The following MTM1 variants were observed in gnomAD, a reference collection of about 807,000 sequenced individuals.
The protein encoded by MTM1 is myotubularin 1, also known as myotubularin.
Under a neutral mutation model 52.1 loss-of-function variants are expected in MTM1, and 9 were observed. The ratio of observed to expected loss-of-function variants is 0.17; its 90% CI spans 0.10 to 0.30. The LOEUF (loss-of-function observed/expected upper bound fraction) is 0.30, where lower values mean the gene tolerates loss of function less well. Ranked by LOEUF, MTM1 falls within the 10% of genes least tolerant of loss-of-function variation. MTM1 has a pLI of 1.00. For synonymous variants in MTM1, 136 were observed against 163.8 expected, an observed-to-expected ratio of 0.83 and a Z score of 1.29; for missense variants, 277 against 470.7, an observed-to-expected ratio of 0.59 and a Z score of 3.81.
chrX:150,611,531 A>C (rs1345414085), intron 4 of MTM1, among the ~76,000 whole-genome samples: 1 of 112,029 alleles, frequency 8.9e-6, no homozygotes, highest in Non-Finnish European at 1.9e-5. Flanking sequence ...TAGAACTTGC[A>C]AAAATAGAAG....
intron 1 of MTM1, among the ~76,000 whole-genome samples, chrX:150,591,612 C>G (rs1367424281): frequency 2.7e-5 from 3 of 112,901 alleles, no homozygotes. Flanking sequence ...TGTGTTAACC[C>G]ATTTATGCCT....
chrX:150,596,508 A>T lies in MTM1; in HGVS notation c.74A>T (p.Asp25Val). 8.3e-7 allele frequency: 1 copy of T among 1,207,474 alleles called. No homozygotes were observed. Reference protein sequence around the residue: ...ENESIKRTSRDGVNRDLTEAV... With the variant: ...ENESIKRTSRVGVNRDLTEAV... ...CTGTTTTGTTTCTAGACGTCTCGAGATGGAGTCAATCGAGATCTCACTGAG... is the reference window on the plus strand; with the variant it reads ...CTGTTTTGTTTCTAGACGTCTCGAGTTGGAGTCAATCGAGATCTCACTGAG... The change falls in exon 3 of 15, where the codon GAT becomes GTT. Residue 25 changes from aspartate to valine, a missense_variant. This residue lies in a region of MTM1 where 164 missense variants were observed against 283.3 expected (regional missense o/e 0.58). Coordinates refer to ENST00000370396, the MANE Select transcript of MTM1 (RefSeq NM_000252.3).
chrX:150,639,042 C>T lies in MTM1; in HGVS notation c.528+16C>T. On this transcript the variant is annotated intron_variant, in intron 7 of 14. Transcript: ENST00000370396. ...CAGGAGGCAGGTAAGATGTTAGATGCTATTGTCTGGTATGTGATGAACCTG... is the reference window on the plus strand; with the variant it reads ...CAGGAGGCAGGTAAGATGTTAGATGTTATTGTCTGGTATGTGATGAACCTG... 1 of 1,130,381 alleles carries T rather than the reference C, an allele frequency of 8.8e-7. No homozygotes were observed. Among genetic ancestry groups the T allele is most frequent in the Admixed American group, 2.2e-5 (1 of 45,917 alleles). 93.2% of individuals were successfully genotyped at this position (1,130,381 alleles called of 1,213,427 possible).
intron 10 of MTM1, 50 bp from the exon 11 acceptor site, chrX:150,657,771 T>TA: frequency 1.9e-6 from 2 of 1,073,449 alleles, no homozygotes; most frequent in Non-Finnish European, 2.6e-6. Flanking sequence ...CTATCAAATG[T>TA]AAGCAGTATC....
At chrX:150,583,927 T>TA (rs1557412128) in intron 1 of MTM1, among the ~76,000 whole-genome samples, 816 of 41,266 alleles carry the variant, frequency 0.02, 58 homozygotes, top group African/African-American at 0.05. Context: ...AAAATATATA[T>TA]TAAATTAAAA....
chrX:150,649,856 T>C lies in MTM1; in HGVS notation c.1008T>C (p.His336=), dbSNP rs1557414128. Residue 336 remains histidine (H), a synonymous_variant, in exon 10 of 15, where the codon CAT becomes CAC. Coordinates refer to ENST00000370396, the MANE Select transcript of MTM1 (RefSeq NM_000252.3). ...DIVYPNVEES[H]WLSSLESTHW... ...TTTATCCTAATGTAGAAGAATCTCA[T>C]TGGTTGTCCAGTTTGGAGTCTACTC... The C allele has an allele frequency of 2.5e-6, 3 of 1,208,245 alleles. No homozygotes were observed. Among genetic ancestry groups the C allele is most frequent in the East Asian group, 3.0e-5 (1 of 33,733 alleles).
In MTM1 at chrX:150,583,634, A is replaced by G. The variant is rs1343551304; in HGVS notation, c.-10-8971A>G. Reference sequence around the variant, plus strand: ...TTTATATATATTATATATAATTTATATATAATATATAATTTATATATATTA... The same window carrying G: ...TTTATATATATTATATATAATTTATGTATAATATATAATTTATATATATTA... On this transcript the variant is annotated intron_variant, in intron 1 of 14. Coordinates refer to ENST00000370396, the MANE Select transcript of MTM1 (RefSeq NM_000252.3). 2.5e-4 allele frequency among the ~76,000 whole-genome samples: 9 copies of G among 35,917 alleles called. 3 individuals are homozygous for G. The highest frequency in any genetic ancestry group is 1.1e-3 in the African/African-American group (9 of 8,174). The allele number at this position is 35,917 out of a possible 115,157, so 31.2% of individuals were successfully genotyped here.
rs1291361490 is a variant in MTM1 at position 150,625,799 on chromosome X, G to A, written c.444+6660G>A. Among the ~76,000 whole-genome samples, 7 of 112,361 alleles carry A rather than the reference G, an allele frequency of 6.2e-5. No homozygotes were observed. The South Asian group carries it at 1.8e-3, about 30-fold the overall frequency. On this transcript the variant is annotated intron_variant, in intron 6 of 14. Transcript: ENST00000370396. ...ATATAGTTGCGAAATTTTTGTTTTC[G>A]TGTGTGTGGTGGGAGATATTTGACC...
chrX:150,596,363 CCA>C, intron 2 of MTM1, 133 bp from the exon 3 acceptor site: 1 of 503,918 alleles, frequency 2.0e-6, no homozygotes, highest in Non-Finnish European at 3.4e-6. Context: ...AATTTTTGTG[CCA>C]GTTTTCCCAA....
chrX:150,619,172 G>A, intron 6 of MTM1, 33 bp downstream of exon 6: 1 of 1,021,183 alleles, frequency 9.8e-7, no homozygotes, highest in East Asian at 3.0e-5. Flanking sequence ...GCGTGGGAAG[G>A]TTCTCAGTGC....
intron 1 of MTM1, among the ~76,000 whole-genome samples, chrX:150,583,145 AAT>A (rs1189581904): frequency 1.3e-5 from 1 of 79,334 alleles, no homozygotes; most frequent in African/African-American, 5.0e-5. Context: ...ATAAATTATA[AAT>A]ATATATAAAT....
At chrX:150,631,667 CAA>C (rs34042424) in intron 6 of MTM1, among the ~76,000 whole-genome samples, 1 of 35,460 alleles carries the variant, frequency 2.8e-5, no homozygotes, top group Non-Finnish European at 4.4e-5. Flanking sequence ...ACTCCATCTC[CAA>C]AAAAAAAAAA....
chrX:150,650,594 T>C (rs1196526796), intron 10 of MTM1, among the ~76,000 whole-genome samples: 2 of 111,412 alleles, frequency 1.8e-5, no homozygotes, highest in African/African-American at 6.5e-5. Flanking sequence ...TACATTTCTT[T>C]AGCTCCTGCA....
chrX:150,652,654 T>C (rs1398606639), intron 10 of MTM1, among the ~76,000 whole-genome samples: 1 of 44,694 alleles, frequency 2.2e-5, no homozygotes, highest in African/African-American at 8.9e-5. Context: ...TGTGTATATA[T>C]ATATACACAC....
chrX:150,578,244 A>G (rs1557411722), intron 1 of MTM1, among the ~76,000 whole-genome samples: 2 of 112,079 alleles, frequency 1.8e-5, no homozygotes, highest in African/African-American at 6.5e-5. Flanking sequence ...GGTGGTCTCT[A>G]GGAACTAAAA....
At position 150,624,989 on chromosome X, in the gene MTM1, G is replaced by C. The variant is rs1235207020; in HGVS notation, c.444+5850G>C. On this transcript the variant is annotated intron_variant, in intron 6 of 14. Transcript: ENST00000370396. ...TATAGACTCACACAAAGGAAGGCTA[G>C]GGCTAGAAGAAATGAAGCCTGAGAC... Among the ~76,000 whole-genome samples, 4 of 111,908 alleles carry C rather than the reference G, an allele frequency of 3.6e-5. No homozygotes were observed. The Admixed American group carries it at 3.8e-4, about 11-fold the overall frequency.
intron 10 of MTM1, among the ~76,000 whole-genome samples, chrX:150,657,524 G>A (rs2040140583): frequency 1.9e-5 from 2 of 107,408 alleles, no homozygotes; most frequent in Non-Finnish European, 3.9e-5. Context: ...GCTAAATGAC[G>A]AGTTAATGGG....
chrX:150,656,779 A>G (rs1254585355), intron 10 of MTM1, among the ~76,000 whole-genome samples: 1 of 112,024 alleles, frequency 8.9e-6, no homozygotes, highest in East Asian at 2.8e-4. Context: ...CAAATTTACA[A>G]GAAAAAAACA....
intron 6 of MTM1, among the ~76,000 whole-genome samples, chrX:150,637,904 C>T (rs1231825800): frequency 8.9e-6 from 1 of 112,420 alleles, no homozygotes; most frequent in African/African-American, 3.2e-5. Context: ...ATTGGAAGGA[C>T]TTCCACCTTT....
Sources: gnomAD v4.1 joint callset for allele counts (sites outside exome capture counted in the v4.1 genomes callset) on GRCh38, gnomAD v4.1.1 for gene constraint, gnomAD v4.1.1 regional missense constraint, MANE v1.5 for transcripts, NCBI Gene and HGNC (gene_info 2026-07-23, HGNC 2026-07-21) for gene names.